The following MCTP1 variants were observed in gnomAD, a reference collection of about 807,000 sequenced individuals.
The protein encoded by MCTP1 is multiple C2 and transmembrane domain-containing protein 1.
MCTP1 carries 69 observed loss-of-function variants against 120.6 expected under a neutral mutation model. The observed-to-expected ratio is 0.57, with a 90% CI of 0.47 to 0.70. The LOEUF (loss-of-function observed/expected upper bound fraction) is 0.70, where lower values mean the gene tolerates loss of function less well. Ranked by LOEUF, MCTP1 falls within the 30% of genes least tolerant of loss-of-function variation. MCTP1 has a pLI of 0.00. For missense variants in MCTP1, 1,203 were observed against 1,248.8 expected, an observed-to-expected ratio of 0.96 and a Z score of 0.55; for synonymous variants, 529 against 493.1, an observed-to-expected ratio of 1.07 and a Z score of -0.96.
At chr5:94,714,195 A>AAGTT (rs1489960296) in intron 20 of MCTP1, among the ~76,000 whole-genome samples, 1 of 152,172 alleles carries the variant, frequency 6.6e-6, no homozygotes, top group Non-Finnish European at 1.5e-5. Flanking sequence ...TTATTTTAAA[A>AAGTT]AGTTAAGGAA....
Position 94,982,884 on chromosome 5 carries a change from C to CAAAAAAAAA in MCTP1, c.839-29532_839-29524dup, listed in dbSNP as rs34561115. The stretch of plus-strand genomic sequence containing the variant: ...ACCTGGGGGACAGAGCACACTTCAT[C>CAAAAAAAAA]AAAAAAAAAAAAAAAAAAAAAAAAA... On this transcript the variant is annotated intron_variant, in intron 2 of 22. Transcript: ENST00000515393. Among the ~76,000 whole-genome samples the CAAAAAAAAA allele has an allele frequency of 3.5e-4, 10 of 28,618 alleles. 2 individuals are homozygous for CAAAAAAAAA. The highest frequency in any genetic ancestry group is 4.9e-4 in the African/African-American group (6 of 12,192). 18.8% of individuals were successfully genotyped at this position (28,618 alleles called of 152,430 possible).
At chr5:95,004,283 C>G (rs1413268723) in intron 2 of MCTP1, among the ~76,000 whole-genome samples, 1 of 152,142 alleles carries the variant, frequency 6.6e-6, no homozygotes, top group Non-Finnish European at 1.5e-5. Flanking sequence ...TTATCTGAAA[C>G]TGAAACTTAT....
At chr5:94,900,346 C>T (rs1017594388) in intron 10 of MCTP1, among the ~76,000 whole-genome samples, 7 of 152,210 alleles carry the variant, frequency 4.6e-5, no homozygotes, top group African/African-American at 1.2e-4. Context: ...GCACGTGGCA[C>T]ACCAACTGGA....
chr5:94,992,796 C>T (rs1479747500), intron 2 of MCTP1, among the ~76,000 whole-genome samples: 2 of 152,248 alleles, frequency 1.3e-5, no homozygotes, highest in Non-Finnish European at 2.9e-5. Context: ...CCCATCTCAA[C>T]CTTCCTTTTA....
At chr5:94,713,709 C>T (rs1562911) in intron 20 of MCTP1, among the ~76,000 whole-genome samples, 22,314 of 151,996 alleles carry the variant, frequency 0.15, 1,831 homozygotes, top group East Asian at 0.32. Flanking sequence ...AGGCACATCT[C>T]GGAGTGAGAT....
intron 19 of MCTP1, among the ~76,000 whole-genome samples, chr5:94,735,907 T>C (rs1346260099): frequency 6.6e-6 from 1 of 152,166 alleles, no homozygotes; most frequent in African/African-American, 2.4e-5. Context: ...AACACAGTAG[T>C]AGAGAAAGGC....
chr5:95,117,161 C>A (rs141555827), intron 1 of MCTP1, among the ~76,000 whole-genome samples: 1 of 151,918 alleles, frequency 6.6e-6, no homozygotes, highest in Non-Finnish European at 1.5e-5. Flanking sequence ...GAGGCCAAGG[C>A]GGGTGGATCA....
At chr5:94,995,170 G>T (rs1161725721) in intron 2 of MCTP1, among the ~76,000 whole-genome samples, 1 of 152,148 alleles carries the variant, frequency 6.6e-6, no homozygotes, top group Non-Finnish European at 1.5e-5. Flanking sequence ...GACTAAGACG[G>T]GGGGCAGTGA....
At chr5:94,995,645 T>G (rs1832485635) in intron 2 of MCTP1, among the ~76,000 whole-genome samples, 1 of 152,208 alleles carries the variant, frequency 6.6e-6, no homozygotes, top group African/African-American at 2.4e-5. Context: ...AGATAGAACT[T>G]TTCTTTTTGA....
Position 95,069,472 on chromosome 5 carries a change from C to T in MCTP1, c.721-51988G>A, listed in dbSNP as rs116013948. On this transcript the variant is annotated intron_variant, in intron 1 of 22. Coordinates refer to ENST00000515393, the MANE Select transcript of MCTP1 (RefSeq NM_024717.7). The stretch of plus-strand genomic sequence containing the variant: ...TTTTTTTTTTTTTCAGAATAACATA[C>T]AGTGTACAGAAATATGCTACATTTT... 2.4e-3 allele frequency among the ~76,000 whole-genome samples: 349 copies of T among 148,506 alleles called. 3 individuals carry two copies. Among genetic ancestry groups the T allele is most frequent in the Middle Eastern group, 0.014 (4 of 290 alleles).
intron 17 of MCTP1, chr5:94,868,107 G>A (rs968127972): frequency 8.6e-6 from 3 of 347,246 alleles, no homozygotes; most frequent in African/African-American, 6.4e-5. Flanking sequence ...TACATTGGCT[G>A]AGATGTCTTG....
chr5:94,932,325 G>A (rs1814959887), intron 5 of MCTP1, among the ~76,000 whole-genome samples: 1 of 151,438 alleles, frequency 6.6e-6, no homozygotes, highest in Non-Finnish European at 1.5e-5. Context: ...GGTGGAGGTT[G>A]AGGTTGTACA....
chr5:95,260,272 A>C (rs1758352039), intron 1 of MCTP1, among the ~76,000 whole-genome samples: 1 of 152,188 alleles, frequency 6.6e-6, no homozygotes, highest in African/African-American at 2.4e-5. Context: ...GAGCCCCTTG[A>C]GGCGCTCATC....
At chr5:94,901,506 G>C (rs1429284790) in intron 10 of MCTP1, among the ~76,000 whole-genome samples, 2 of 152,004 alleles carry the variant, frequency 1.3e-5, no homozygotes, top group African/African-American at 4.8e-5. Context: ...CACTGTCTGG[G>C]ATGGTACCTC....
chr5:94,796,790 A>T (rs1780185778), intron 18 of MCTP1, among the ~76,000 whole-genome samples: 1 of 151,898 alleles, frequency 6.6e-6, no homozygotes, highest in African/African-American at 2.4e-5. Flanking sequence ...AGAGTTACGT[A>T]AGGTCTTAAC....
chr5:94,707,845 T>TAATG (rs1755114781), intron 22 of MCTP1, among the ~76,000 whole-genome samples: 1 of 151,910 alleles, frequency 6.6e-6, no homozygotes, highest in African/African-American at 2.4e-5. Context: ...CATCAATTTT[T>TAATG]TAAAGGGCTC....
chr5:95,187,494 C>T (rs577920704), intron 1 of MCTP1, among the ~76,000 whole-genome samples: 4 of 152,172 alleles, frequency 2.6e-5, no homozygotes, highest in African/African-American at 4.8e-5. Context: ...CCACCTTCCG[C>T]GTTCAAGTGA....
At chr5:94,853,547 T>C (rs1285484304) in intron 17 of MCTP1, among the ~76,000 whole-genome samples, 1 of 151,934 alleles carries the variant, frequency 6.6e-6, no homozygotes, top group African/African-American at 2.4e-5. Flanking sequence ...AAAGGTGCAA[T>C]GAGGTTACCC....
At chr5:94,931,120 T>A (rs998240595) in intron 6 of MCTP1, 4 of 152,008 alleles carry the variant, frequency 2.6e-5, no homozygotes, top group Admixed American at 1.3e-4. Flanking sequence ...ATATATTAAT[T>A]CACAGTAATA....
Sources: allele counts gnomAD v4.1 joint callset (sites outside exome capture counted in the v4.1 genomes callset), GRCh38; gene constraint gnomAD v4.1.1; transcripts MANE v1.5; gene names NCBI Gene and HGNC (gene_info 2026-07-23, HGNC 2026-07-21).